The following PCDHGA9 variants were observed in gnomAD, a reference collection of about 807,000 sequenced individuals.
PCDHGA9 encodes protocadherin gamma-A9.
Under a neutral mutation model 62.5 loss-of-function variants are expected in PCDHGA9, and 37 were observed. The ratio of observed to expected loss-of-function variants is 0.59; its 90% CI spans 0.46 to 0.78. The LOEUF is 0.78. Ranked by LOEUF, PCDHGA9 falls within the 30% of genes least tolerant of loss-of-function variation. PCDHGA9 has a pLI of 0.00. For missense variants in PCDHGA9, 1,138 were observed against 1,166.2 expected, an observed-to-expected ratio of 0.98 and a Z score of 0.35; for synonymous variants, 459 against 484.6, an observed-to-expected ratio of 0.95 and a Z score of 0.69.
intron 1 of PCDHGA9, among the ~76,000 whole-genome samples, chr5:141,474,705 A>C (rs114026580): frequency 0.01 from 1,561 of 152,324 alleles, 35 homozygotes; most frequent in African/African-American, 0.035. Context: ...TCAAGGTTCT[A>C]TTATACTTCA....
rs1313886103 is a variant in PCDHGA9 at position 141,403,532 on chromosome 5, C to T, written c.580C>T (p.Leu194=). 2 of 1,613,892 alleles carry T rather than the reference C, an allele frequency of 1.2e-6. No individual in the cohort carries two copies. The highest frequency in any genetic ancestry group is 2.7e-5 in the African/African-American group (2 of 74,948). The part of the protein sequence containing the change: ...TGDNGAINPE[L]VLERALDREE... ...AGACAATGGAGCCATAAACCCAGAG[C>T]TGGTGCTGGAGCGCGCCCTGGACAG... The change falls in exon 1 of 4, where the codon CTG becomes TTG. Residue 194 remains leucine (L), a synonymous_variant. Transcript: ENST00000573521.
chr5:141,419,465 G>T, intron 1 of PCDHGA9: 2 of 1,612,542 alleles, frequency 1.2e-6, no homozygotes, highest in Non-Finnish European at 1.7e-6. Context: ...GCAGGCCCGC[G>T]ACCAGGGCTC....
At chr5:141,406,244 G>C (rs1214749681) in intron 1 of PCDHGA9, among the ~76,000 whole-genome samples, 1 of 151,936 alleles carries the variant, frequency 6.6e-6, no homozygotes, top group Non-Finnish European at 1.5e-5. Context: ...ATGTTGCCCA[G>C]ACTGGTCTCA....
At chr5:141,457,929 C>T (rs1207409757) in intron 1 of PCDHGA9, among the ~76,000 whole-genome samples, 2 of 152,194 alleles carry the variant, frequency 1.3e-5, no homozygotes, top group Non-Finnish European at 2.9e-5. Context: ...CCCCAAGGGG[C>T]TTTTATTGGC....
chr5:141,421,031 T>A, intron 1 of PCDHGA9: 1 of 529,760 alleles, frequency 1.9e-6, no homozygotes, highest in Non-Finnish European at 3.3e-6. Context: ...CGCCATTGAG[T>A]CCCTCCCTCC....
chr5:141,457,806 G>A (rs1321207711), intron 1 of PCDHGA9, among the ~76,000 whole-genome samples: 1 of 152,150 alleles, frequency 6.6e-6, no homozygotes, highest in Non-Finnish European at 1.5e-5. Context: ...CTCCTCTTGA[G>A]GTCCCAAGAT....
At chr5:141,421,267 C>A in intron 1 of PCDHGA9, 1 of 1,611,374 alleles carries the variant, frequency 6.2e-7, no homozygotes, top group South Asian at 1.1e-5. Flanking sequence ...CAGTCGGCTG[C>A]TGCTGCTGCT....
At chr5:141,454,931 C>T (rs2154564856) in intron 1 of PCDHGA9, among the ~76,000 whole-genome samples, 2 of 151,066 alleles carry the variant, frequency 1.3e-5, no homozygotes, top group South Asian at 4.2e-4. Context: ...CCTCAGCCTC[C>T]CGAGTAGCTG....
rs765249445 is a variant in PCDHGA9, at chr5:141,489,754, C to T, written c.2425-5053C>T. ...CACCAATACTGTGAGCTTTTACACT[C>T]TAAGCCCCAACAGCCACTTCTCTCT... is the stretch of plus-strand genomic sequence containing the variant. On this transcript the variant is annotated intron_variant, in intron 1 of 3. Coordinates refer to ENST00000573521, the MANE Select transcript of PCDHGA9 (RefSeq NM_018921.3). The surrounding 1 kb of genome is among the most constrained non-coding windows in gnomAD (Gnocchi z 4.5). The T allele has an allele frequency of 4.0e-5, 64 of 1,613,992 alleles. No individual in the cohort carries two copies. The South Asian group carries it at 6.8e-4, about 17-fold the overall frequency.
In PCDHGA9 at chr5:141,491,081, C is replaced by T; in HGVS notation, c.2425-3726C>T. The T allele has an allele frequency of 6.2e-7, 1 of 1,614,176 alleles. No individual in the cohort carries two copies. The highest frequency in any genetic ancestry group is 8.5e-7 in the Non-Finnish European group (1 of 1,180,010). On this transcript the variant is annotated intron_variant, in intron 1 of 3. Coordinates refer to ENST00000573521, the MANE Select transcript of PCDHGA9 (RefSeq NM_018921.3). The surrounding 1 kb of genome is among the most constrained non-coding windows in gnomAD (Gnocchi z 6.9). Reference sequence around the variant, plus strand: ...TCCTACTCACTGTTGCCACAGTCCACAGCCCCAGGACTGTTCCTCGTGTCT... The same window carrying T: ...TCCTACTCACTGTTGCCACAGTCCATAGCCCCAGGACTGTTCCTCGTGTCT...
intron 1 of PCDHGA9, chr5:141,427,054 C>T (rs1235803553): frequency 4.4e-6 from 2 of 457,580 alleles, no homozygotes; most frequent in Admixed American, 4.7e-5. Context: ...CCCCCAGGCA[C>T]CTCTGTACTA....
chr5:141,403,741 T>G lies in PCDHGA9; in HGVS notation c.789T>G (p.Thr263=). Residue 263 remains threonine (T), a synonymous_variant, in exon 1 of 4, where the codon ACT becomes ACG. Transcript: ENST00000573521. Reference sequence around the variant, plus strand: ...TGCCCCCAGGCACCTGGCTGCTTACTGCAACAGCCAGCGACCTGGATGAGG... The same window carrying G: ...TGCCCCCAGGCACCTGGCTGCTTACGGCAACAGCCAGCGACCTGGATGAGG... The part of the protein sequence containing the change: ...ENVPPGTWLL[T]ATASDLDEGI... The G allele has an allele frequency of 6.2e-7, 1 of 1,613,906 alleles. No individual in the cohort carries two copies.
At position 141,431,438 on chromosome 5, in the gene PCDHGA9, C is replaced by G. The variant is rs773812765; in HGVS notation, c.2424+26062C>G. The G allele has an allele frequency of 3.9e-5, 63 of 1,613,612 alleles. No homozygotes were observed. In the East Asian group the frequency reaches 1.4e-3, roughly 35 times the overall value. ...CGACCCGGTGCGCACAGGCACCGCG[C>G]GCATCCGCGTGATGGTTCTGGATGC... is the stretch of plus-strand genomic sequence containing the variant. On this transcript the variant is annotated intron_variant, in intron 1 of 3. Coordinates refer to ENST00000573521, the MANE Select transcript of PCDHGA9 (RefSeq NM_018921.3). The surrounding 1 kb of genome is among the most constrained non-coding windows in gnomAD (Gnocchi z 4.8).
intron 1 of PCDHGA9, among the ~76,000 whole-genome samples, chr5:141,481,692 G>A (rs1231630072): frequency 3.3e-5 from 5 of 152,020 alleles, no homozygotes; most frequent in East Asian, 1.9e-4. Context: ...GGTGGCTCAC[G>A]CCTGTAATCC....
At chr5:141,473,511 C>T (rs952034051) in intron 1 of PCDHGA9, among the ~76,000 whole-genome samples, 23 of 152,108 alleles carry the variant, frequency 1.5e-4, no homozygotes, top group Non-Finnish European at 3.1e-4. Flanking sequence ...GAGAGCATAA[C>T]AAAGGATCCT....
Position 141,403,571 on chromosome 5 carries a change from G to A in PCDHGA9, c.619G>A (p.Ala207Thr), listed in dbSNP as rs778030830. The A allele has an allele frequency of 6.2e-7, 1 of 1,613,904 alleles. No individual in the cohort carries two copies. Among genetic ancestry groups the A allele is most frequent in the Non-Finnish European group, 8.5e-7 (1 of 1,179,890 alleles). ...ERALDREEAT[A>T]HHLVLTASDG... is the part of the protein sequence containing the mutation. ...CGCCCTGGACAGGGAGGAGGCAACTGCCCACCACCTGGTCCTCACGGCCTC... is the reference window on the plus strand; with the variant it reads ...CGCCCTGGACAGGGAGGAGGCAACTACCCACCACCTGGTCCTCACGGCCTC... The change falls in exon 1 of 4, where the codon GCC becomes ACC. Residue 207 changes from alanine (A) to threonine (T), a missense_variant. Transcript: ENST00000573521.
At chr5:141,409,529 G>T (rs2095278932) in intron 1 of PCDHGA9, 1 of 1,613,962 alleles carries the variant, frequency 6.2e-7, no homozygotes, top group Non-Finnish European at 8.5e-7. Flanking sequence ...CTTGTATGTC[G>T]CTGACATCAA....
At chr5:141,495,392 G>A (rs2099760968) in intron 2 of PCDHGA9, among the ~76,000 whole-genome samples, 2 of 152,186 alleles carry the variant, frequency 1.3e-5, no homozygotes, top group Non-Finnish European at 2.9e-5. Context: ...GGCGGGGCAT[G>A]GAGCAGGCCC....
At chr5:141,456,599 A>T (rs2098870253) in intron 1 of PCDHGA9, among the ~76,000 whole-genome samples, 1 of 152,174 alleles carries the variant, frequency 6.6e-6, no homozygotes, top group African/African-American at 2.4e-5. Flanking sequence ...TTTTGATTTG[A>T]TTTTTAAGTC....
Sources: allele counts gnomAD v4.1 joint callset (sites outside exome capture counted in the v4.1 genomes callset), GRCh38; gene constraint gnomAD v4.1.1; non-coding constraint Gnocchi (gnomAD v3.1); transcripts MANE v1.5; gene names NCBI Gene and HGNC (gene_info 2026-07-23, HGNC 2026-07-21).